The following ZNF385D variants were observed in gnomAD, a reference collection of about 807,000 sequenced individuals.
The protein encoded by ZNF385D is zinc finger protein 659.
In ZNF385D, 15 loss-of-function variants were observed where a neutral mutation model predicts 35.8. The ratio of observed to expected loss-of-function variants is 0.42; its 90% confidence interval spans 0.28 to 0.64. The LOEUF (loss-of-function observed/expected upper bound fraction) is 0.64. ZNF385D is among the 30% of genes least tolerant of loss of function. The pLI, the probability that ZNF385D is intolerant of heterozygous loss-of-function variation, is 0.23. For synonymous variants in ZNF385D, 212 were observed against 186.8 expected, an observed-to-expected ratio of 1.13 and a Z score of -1.10; for missense variants, 474 against 494.6, an observed-to-expected ratio of 0.96 and a Z score of 0.39.
intron 2 of ZNF385D, among the ~76,000 whole-genome samples, chr3:22,303,151 G>C (rs188973057): frequency 3.3e-5 from 5 of 151,936 alleles, no homozygotes; most frequent in African/African-American, 1.2e-4. Context: ...TAATAATATC[G>C]TTGGCTGCAC....
chr3:21,586,561 A>G (rs1276263092), intron 2 of ZNF385D, among the ~76,000 whole-genome samples: 1 of 152,206 alleles, frequency 6.6e-6, no homozygotes, highest in Non-Finnish European at 1.5e-5. Flanking sequence ...ACTGAAAACA[A>G]TGAATTAAAG....
chr3:21,735,780 A>G (rs2069214335), intron 1 of ZNF385D, among the ~76,000 whole-genome samples: 1 of 152,230 alleles, frequency 6.6e-6, no homozygotes, highest in Non-Finnish European at 1.5e-5. Flanking sequence ...CTCCAACACA[A>G]GAGAAAAGCT....
At chr3:21,776,595 A>C (rs1249696628) in intron 3 of ZNF385D, among the ~76,000 whole-genome samples, 1 of 151,918 alleles carries the variant, frequency 6.6e-6, no homozygotes, top group African/African-American at 2.4e-5. Flanking sequence ...TTTTCTATTG[A>C]TGATCATGTT....
At chr3:21,766,895 A>C (rs1383559376) in intron 3 of ZNF385D, among the ~76,000 whole-genome samples, 1 of 152,110 alleles carries the variant, frequency 6.6e-6, no homozygotes, top group Non-Finnish European at 1.5e-5. Context: ...TGGGTAAAGA[A>C]GACAGCCAGA....
At chr3:21,554,427 G>T (rs936404075) in intron 3 of ZNF385D, among the ~76,000 whole-genome samples, 1 of 152,096 alleles carries the variant, frequency 6.6e-6, no homozygotes, top group African/African-American at 2.4e-5. Flanking sequence ...CTATCATCCA[G>T]CCTTCTTGTT....
chr3:21,974,639 A>C lies in ZNF385D; in HGVS notation c.325+194178T>G, dbSNP rs558010563. 1.8e-4 allele frequency among the ~76,000 whole-genome samples: 27 copies of C among 152,290 alleles called. No individual in the cohort carries two copies. The South Asian group carries it at 5.4e-3, about 30-fold the overall frequency. On this transcript the variant is annotated intron_variant, in intron 3 of 5. Transcript: ENST00000494108. The stretch of plus-strand genomic sequence containing the variant: ...AATCAACAAATTGAAGAAACAACCC[A>C]CAGAATGGAAGTAAATATTTTCAAG...
chr3:21,958,878 G>T (rs1702430239), intron 3 of ZNF385D: 1 of 151,952 alleles, frequency 6.6e-6, no homozygotes, highest in Non-Finnish European at 1.5e-5. Context: ...TCAAGAAAAA[G>T]AAATCATTGA....
intron 4 of ZNF385D, among the ~76,000 whole-genome samples, chr3:21,497,625 A>C (rs889646201): frequency 7.9e-5 from 12 of 152,044 alleles, no homozygotes; most frequent in African/African-American, 2.4e-4. Flanking sequence ...TGGGCAGATA[A>C]TTCACTTGAG....
chr3:21,736,535 A>T (rs1482664392), intron 1 of ZNF385D, among the ~76,000 whole-genome samples: 1 of 152,218 alleles, frequency 6.6e-6, no homozygotes, highest in African/African-American at 2.4e-5. Flanking sequence ...TCAAGGATCA[A>T]CCTTCTGGTT....
intron 1 of ZNF385D, among the ~76,000 whole-genome samples, chr3:21,689,559 G>C (rs1443910783): frequency 1.3e-5 from 2 of 152,156 alleles, no homozygotes; most frequent in African/African-American, 4.8e-5. Context: ...CTTAGGTTTA[G>C]ATTTCATATG....
At chr3:21,700,698 A>G (rs1182214458) in intron 1 of ZNF385D, among the ~76,000 whole-genome samples, 1 of 152,162 alleles carries the variant, frequency 6.6e-6, no homozygotes, top group African/African-American at 2.4e-5. Flanking sequence ...CTTTCCATAG[A>G]GAGGTGTTGT....
intron 2 of ZNF385D, among the ~76,000 whole-genome samples, chr3:22,231,147 A>G (rs980779468): frequency 6.6e-6 from 1 of 152,156 alleles, no homozygotes; most frequent in African/African-American, 2.4e-5. Flanking sequence ...TCAAAAAATA[A>G]AGAAAGAAAT....
At chr3:22,252,114 CTT>C (rs1244529535) in intron 2 of ZNF385D, among the ~76,000 whole-genome samples, 4 of 152,130 alleles carry the variant, frequency 2.6e-5, no homozygotes, top group African/African-American at 9.6e-5. Context: ...TAACTAAAGA[CTT>C]TTGTTTTCCT....
At chr3:22,245,674 G>A (rs1699737946) in intron 2 of ZNF385D, among the ~76,000 whole-genome samples, 1 of 148,306 alleles carries the variant, frequency 6.7e-6, no homozygotes, top group Non-Finnish European at 1.5e-5. Flanking sequence ...GCACAACTAT[G>A]AAGGATTCAA....
At chr3:22,141,065 A>G (rs1704474636) in intron 3 of ZNF385D, among the ~76,000 whole-genome samples, 1 of 152,218 alleles carries the variant, frequency 6.6e-6, no homozygotes, top group Admixed American at 6.5e-5. Flanking sequence ...AGAGATTAAG[A>G]GATTTACTGT....
rs1700602474 is a variant in ZNF385D, at chr3:21,418,411, A to G, written c.*2803T>C. The G allele has an allele frequency of 6.6e-6, 1 of 152,198 alleles. No individual in the cohort carries two copies. The highest frequency in any genetic ancestry group is 1.5e-5 in the Non-Finnish European group (1 of 68,024). 9.4% of individuals were successfully genotyped at this position (152,198 alleles called of 1,614,324 possible). Reference sequence around the variant, plus strand: ...GTGTGGGGGAAACAACTCACAGAGAATCCACTGTAAGTTCTGTGGTTAGGC... The same window carrying G: ...GTGTGGGGGAAACAACTCACAGAGAGTCCACTGTAAGTTCTGTGGTTAGGC... On this transcript the variant is annotated 3_prime_UTR_variant, in exon 8 of 8. Transcript: ENST00000281523.
chr3:21,977,766 T>A (rs139945699), intron 3 of ZNF385D, among the ~76,000 whole-genome samples: 2 of 151,924 alleles, frequency 1.3e-5, no homozygotes, highest in Non-Finnish European at 2.9e-5. Flanking sequence ...AGCCCAGCAA[T>A]TGGAGGTTAC....
chr3:22,033,434 A>ATAT (rs1233730158), intron 3 of ZNF385D, among the ~76,000 whole-genome samples: 3 of 145,748 alleles, frequency 2.1e-5, no homozygotes, highest in African/African-American at 7.5e-5. Flanking sequence ...AATAATAATA[A>ATAT]TAATAATGCA....
At chr3:21,990,375 A>G (rs921922970) in intron 3 of ZNF385D, among the ~76,000 whole-genome samples, 2 of 152,140 alleles carry the variant, frequency 1.3e-5, no homozygotes, top group African/African-American at 4.8e-5. Flanking sequence ...ATCACTCTCC[A>G]TTTTCTATCT....
Sources: gnomAD v4.1 joint callset for allele counts (sites outside exome capture counted in the v4.1 genomes callset) on GRCh38, gnomAD v4.1.1 for gene constraint, MANE v1.5 for transcripts, NCBI Gene and HGNC (gene_info 2026-07-23, HGNC 2026-07-21) for gene names.